Variants in CTNNB1 observed in about 807,000 individuals in gnomAD.
CTNNB1 encodes catenin beta-1.
A neutral mutation model predicts 82.5 loss-of-function variants in CTNNB1; 6 were observed. That is an observed-to-expected ratio of 0.07 (90% CI 0.04 to 0.14). CTNNB1 has a LOEUF of 0.14. Ranked by LOEUF, CTNNB1 falls within the 10% of genes least tolerant of loss-of-function variation. CTNNB1 has a pLI of 1.00. For synonymous variants in CTNNB1, 312 were observed against 329.7 expected (o/e 0.95, Z 0.58); for missense variants, 529 against 980.4 (o/e 0.54, Z 6.15).
intron 1 of CTNNB1, among the ~76,000 whole-genome samples, chr3:41,218,262 G>T (rs2077958797): frequency 6.6e-6 from 1 of 151,762 alleles, no homozygotes; most frequent in African/African-American, 2.4e-5. Flanking sequence ...ATTATATCTG[G>T]GTGTTTTTCT....
intron 7 of CTNNB1, among the ~76,000 whole-genome samples, chr3:41,232,495 C>A (rs2078334863): frequency 6.6e-6 from 1 of 151,734 alleles, no homozygotes; most frequent in Non-Finnish European, 1.5e-5. Flanking sequence ...TAAAACAGAC[C>A]CGAAAGATGA....
intron 1 of CTNNB1, among the ~76,000 whole-genome samples, chr3:41,201,816 A>G (rs2125581839): frequency 6.6e-6 from 1 of 152,224 alleles, no homozygotes; most frequent in South Asian, 2.1e-4. Context: ...TACCAACATG[A>G]TATAGAAAAG....
rs1415266101 is a variant in CTNNB1 at position 41,239,398 on chromosome 3, C to G, written c.*56C>G. The G allele has an allele frequency of 6.7e-7, 1 of 1,483,238 alleles. No individual in the cohort carries two copies. The highest frequency in any genetic ancestry group is 9.3e-7 in the Non-Finnish European group (1 of 1,078,052). The allele number at this position is 1,483,238 out of a possible 1,614,324, so 91.9% of individuals were successfully genotyped here. On this transcript the variant is annotated 3_prime_UTR_variant, in exon 15 of 15. Transcript: ENST00000349496. ...CCAGTTTGGGTAAAATACTTTTACT[C>G]TGCCTACAGAACTTCAGAAAGACTT...
At position 41,238,310 on chromosome 3, in the gene CTNNB1, C is replaced by T. The variant is rs1260795613; in HGVS notation, c.2137+234C>T. ...CACCACCAACAAATACATGCTACTG[C>T]TAGGCCTCTGCAGTGCAGGATGTTA... is the stretch of plus-strand genomic sequence containing the variant. On this transcript the variant is annotated intron_variant, in intron 14 of 14. Coordinates refer to ENST00000349496, the MANE Select transcript of CTNNB1 (RefSeq NM_001904.4). The T allele has an allele frequency of 5.4e-6, 3 of 558,842 alleles. No individual in the cohort carries two copies. The East Asian group carries it at 9.2e-5, about 17-fold the overall frequency. 34.6% of individuals were successfully genotyped at this position (558,842 alleles called of 1,614,324 possible).
chr3:41,238,308 T>G (rs933932517), intron 14 of CTNNB1: 3 of 562,288 alleles, frequency 5.3e-6, no homozygotes, highest in Non-Finnish European at 9.6e-6. Flanking sequence ...TACATGCTAC[T>G]GCTAGGCCTC....
In CTNNB1 at chr3:41,225,074, A is replaced by C. The variant is rs2125620385; in HGVS notation, c.362A>C (p.Asn121Thr). Residue 121 changes from asparagine to threonine, a missense_variant, in exon 4 of 15, where the codon AAT becomes ACT. By Grantham distance (65) the Asn-to-Thr change is moderately conservative (BLOSUM62 0). This residue lies in a region of CTNNB1 where 411 missense variants were observed against 776.4 expected (regional missense o/e 0.53). Transcript: ENST00000349496. The surrounding 1 kb of genome is among the most constrained non-coding windows in gnomAD (Gnocchi z 5.3). ...STQFDAAHPT[N>T]VQRLAEPSQM... ...CAGTTTGATGCTGCTCATCCCACTA[A>C]TGTCCAGCGTTTGGCTGAACCATCA... The C allele has an allele frequency of 6.2e-7, 1 of 1,614,112 alleles. No homozygotes were observed. Among genetic ancestry groups the C allele is most frequent in the Non-Finnish European group, 8.5e-7 (1 of 1,179,996 alleles).
At chr3:41,221,614 C>G (rs908668996) in intron 1 of CTNNB1, 1 of 152,140 alleles carries the variant, frequency 6.6e-6, no homozygotes, top group Non-Finnish European at 1.5e-5. Context: ...GTTAGAATTA[C>G]AAGCCACTTC....
intron 6 of CTNNB1, 51 bp from the exon 7 acceptor site, chr3:41,227,157 C>T (rs2125627257): frequency 6.8e-7 from 1 of 1,469,692 alleles, no homozygotes. Flanking sequence ...TCTTCTCAGA[C>T]ATGTGATCAA....
chr3:41,232,643 G>A (rs573794731), intron 7 of CTNNB1, among the ~76,000 whole-genome samples: 3 of 152,110 alleles, frequency 2.0e-5, no homozygotes, highest in Non-Finnish European at 2.9e-5. Flanking sequence ...CCATTTAAGG[G>A]TCCTAAAGGA....
At position 41,218,465 on chromosome 3, in the gene CTNNB1, A is replaced by G. The variant is rs142072728; in HGVS notation, c.-48-5556A>G. 1.4e-3 allele frequency among the ~76,000 whole-genome samples: 212 copies of G among 152,320 alleles called. 2 individuals carry two copies. Among genetic ancestry groups the G allele is most frequent in the Middle Eastern group, 0.01 (3 of 294 alleles). ...CTCGTATGTATCTCATTTTACTGTT[A>G]TGAATGAAATCTGTCCTATTTGTGT... On this transcript the variant is annotated intron_variant, in intron 1 of 14. Coordinates refer to ENST00000349496, the MANE Select transcript of CTNNB1 (RefSeq NM_001904.4).
At chr3:41,210,604 CCTGTGATAA>C (rs1176531551) in intron 1 of CTNNB1, among the ~76,000 whole-genome samples, 1 of 152,108 alleles carries the variant, frequency 6.6e-6, no homozygotes, top group African/African-American at 2.4e-5. Context: ...GCTGCCACCT[CCTGTGATAA>C]CAGTGCCTTC....
intron 1 of CTNNB1, among the ~76,000 whole-genome samples, chr3:41,213,916 T>TA (rs951489038): frequency 1.3e-5 from 2 of 152,332 alleles, no homozygotes; most frequent in Non-Finnish European, 2.9e-5. Context: ...GCCTCATAAT[T>TA]ATGAGGCTTA....
intron 11 of CTNNB1, 65 bp from the exon 12 acceptor site, chr3:41,236,284 C>G (rs2078432981): frequency 6.3e-7 from 1 of 1,589,652 alleles, no homozygotes; most frequent in Non-Finnish European, 8.6e-7. Context: ...GTTTGCACCA[C>G]AGTGGGGGGC....
In CTNNB1 at chr3:41,227,366, T is replaced by G; in HGVS notation, c.1081+14T>G. 1 of 1,613,480 alleles carries G rather than the reference T, an allele frequency of 6.2e-7. No homozygotes were observed. Among genetic ancestry groups the G allele is most frequent in the Non-Finnish European group, 8.5e-7 (1 of 1,179,494 alleles). On this transcript the variant is annotated intron_variant, in intron 7 of 14. Coordinates refer to ENST00000349496, the MANE Select transcript of CTNNB1 (RefSeq NM_001904.4). ...TTGTAGAAGCTGGTAAGTATATGTA[T>G]CTATTCTGAGTCTTGTGTATAGCAT...
At chr3:41,214,527 T>A in intron 1 of CTNNB1, among the ~76,000 whole-genome samples, 1 of 152,206 alleles carries the variant, frequency 6.6e-6, no homozygotes, top group East Asian at 1.9e-4. Flanking sequence ...TGTGATTTGG[T>A]CCAGCTTCTT....
chr3:41,233,338 T>A lies in CTNNB1; in HGVS notation c.1082-3T>A, dbSNP rs2125637457. ...GGGCCTTATATCCTTTTTAATTTTC[T>A]AGGTGGAATGCAAGCTTTAGGACTT... On this transcript the variant is annotated splice_region_variant and splice_polypyrimidine_tract_variant and intron_variant, in intron 7 of 14. Transcript: ENST00000349496. The A allele has an allele frequency of 6.2e-7, 1 of 1,614,016 alleles. No individual in the cohort carries two copies. The highest frequency in any genetic ancestry group is 8.5e-7 in the Non-Finnish European group (1 of 1,179,866).
At chr3:41,205,013 T>G (rs2077616873) in intron 1 of CTNNB1, among the ~76,000 whole-genome samples, 1 of 152,200 alleles carries the variant, frequency 6.6e-6, no homozygotes. Flanking sequence ...AGTTAGGAAT[T>G]AAGATGGCCA....
intron 13 of CTNNB1, 88 bp downstream of exon 13, chr3:41,236,797 A>T (rs1198378363): frequency 6.5e-7 from 1 of 1,528,426 alleles, no homozygotes; most frequent in South Asian, 1.1e-5. Context: ...CTTAGTACAC[A>T]TTCATTTGCA....
intron 1 of CTNNB1, among the ~76,000 whole-genome samples, chr3:41,223,307 C>G (rs1025887764): frequency 1.3e-5 from 2 of 151,518 alleles, no homozygotes; most frequent in Non-Finnish European, 2.9e-5. Flanking sequence ...AAAATACGGA[C>G]AAATTAGATG....
Sources: gnomAD v4.1 joint callset for allele counts (sites outside exome capture counted in the v4.1 genomes callset) on GRCh38, gnomAD v4.1.1 for gene constraint, gnomAD v4.1.1 regional missense constraint, Gnocchi (gnomAD v3.1) non-coding constraint, MANE v1.5 for transcripts, NCBI Gene and HGNC (gene_info 2026-07-23, HGNC 2026-07-21) for gene names.